CYP7B1: variants seen among roughly 807,000 people sequenced by gnomAD.
CYP7B1 encodes the protein cytochrome P450 7B1.
In CYP7B1, 29 loss-of-function variants were observed where a neutral mutation model predicts 42.7. The ratio of observed to expected loss-of-function variants is 0.68; its 90% CI spans 0.51 to 0.93. The LOEUF is 0.93. CYP7B1 is among the 40% of genes least tolerant of loss of function. The pLI is 0.00. For synonymous variants in CYP7B1, 235 were observed against 218.2 expected, an observed-to-expected ratio of 1.08 and a Z score of -0.68; for missense variants, 655 against 600.5, an observed-to-expected ratio of 1.09 and a Z score of -0.95.
rs57590025 is a variant in CYP7B1, at chr8:64,593,232, G to GGTGTGTGT, written c.*3402_*3409dup. On this transcript the variant is annotated 3_prime_UTR_variant, in exon 6 of 6. Transcript: ENST00000310193. ...TGGTGGACTAAAGGCTAGGGCCCAG[G>GGTGTGTGT]GTGTGTGTGTGTGTGTGTGTGTGTG... Among the ~76,000 whole-genome samples the GGTGTGTGT allele has an allele frequency of 1.2e-3, 151 of 123,442 alleles. No individual in the cohort carries two copies. Among genetic ancestry groups the GGTGTGTGT allele is most frequent in the Middle Eastern group, 8.2e-3 (2 of 244 alleles). The allele number at this position is 123,442 out of a possible 152,430, so 81.0% of individuals were successfully genotyped here.
chr8:64,591,297 C>A lies in CYP7B1; in HGVS notation c.*5345G>T. Among the ~76,000 whole-genome samples, 1 of 152,060 alleles carries A rather than the reference C, an allele frequency of 6.6e-6. No individual in the cohort carries two copies. ...TTCATTATAATTTAAAATAGTGCTA[C>A]AGAGAATGTCATCTTGGCTTGCTAA... On this transcript the variant is annotated 3_prime_UTR_variant, in exon 6 of 6. Transcript: ENST00000310193.
intron 4 of CYP7B1, among the ~76,000 whole-genome samples, chr8:64,609,855 C>T (rs1488051125): frequency 6.6e-6 from 1 of 152,196 alleles, no homozygotes; most frequent in African/African-American, 2.4e-5. Context: ...ATCAGAACCA[C>T]TGCATTAACT....
intron 1 of CYP7B1, among the ~76,000 whole-genome samples, chr8:64,777,849 A>C (rs1804351674): frequency 6.6e-6 from 1 of 151,978 alleles, no homozygotes; most frequent in African/African-American, 2.4e-5. Context: ...GGAGAATTTC[A>C]GTATAGGAAA....
At chr8:64,664,675 G>A (rs1280639747) in intron 1 of CYP7B1, among the ~76,000 whole-genome samples, 1 of 152,174 alleles carries the variant, frequency 6.6e-6, no homozygotes, top group Non-Finnish European at 1.5e-5. Flanking sequence ...CAAGTCTCAT[G>A]GACTTTCTCT....
intron 1 of CYP7B1, among the ~76,000 whole-genome samples, chr8:64,770,596 A>G (rs575194289): frequency 3.3e-5 from 5 of 152,358 alleles, no homozygotes; most frequent in Non-Finnish European, 7.3e-5. Flanking sequence ...TCTAAAACCA[A>G]TATACTCACC....
chr8:64,771,376 T>C (rs1439204985), intron 1 of CYP7B1, among the ~76,000 whole-genome samples: 1 of 152,084 alleles, frequency 6.6e-6, no homozygotes, highest in Non-Finnish European at 1.5e-5. Flanking sequence ...TTTTTAAAAA[T>C]GTACATGCTT....
At chr8:64,782,121 T>C (rs186836079) in intron 1 of CYP7B1, among the ~76,000 whole-genome samples, 137 of 152,306 alleles carry the variant, frequency 9.0e-4, no homozygotes, top group African/African-American at 3.3e-3. Flanking sequence ...TTTAGCTTTA[T>C]AGCCATGCTC....
chr8:64,636,465 T>C (rs1329647683), intron 1 of CYP7B1, among the ~76,000 whole-genome samples: 1 of 152,232 alleles, frequency 6.6e-6, no homozygotes, highest in Non-Finnish European at 1.5e-5. Context: ...TATTATTTAT[T>C]ATATTATCTC....
intron 2 of CYP7B1, among the ~76,000 whole-genome samples, chr8:64,620,308 A>G (rs1013067015): frequency 1.3e-5 from 2 of 152,198 alleles, no homozygotes; most frequent in Non-Finnish European, 2.9e-5. Context: ...CGGTTGGAAG[A>G]GTGAAATATG....
At chr8:64,642,262 AT>A (rs755950958) in intron 1 of CYP7B1, among the ~76,000 whole-genome samples, 4,802 of 146,394 alleles carry the variant, frequency 0.033, 216 homozygotes, top group African/African-American at 0.11. Context: ...TCTATTTTAA[AT>A]TTTTTTTTTT....
intron 1 of CYP7B1, among the ~76,000 whole-genome samples, chr8:64,668,362 T>C (rs1242747419): frequency 6.6e-6 from 1 of 152,152 alleles, no homozygotes; most frequent in East Asian, 1.9e-4. Context: ...CTATATAATA[T>C]GAATGTGTCA....
chr8:64,617,089 AAGT>A (rs1171702818), intron 2 of CYP7B1, among the ~76,000 whole-genome samples: 2 of 152,176 alleles, frequency 1.3e-5, no homozygotes, highest in Non-Finnish European at 2.9e-5. Context: ...GGAAAGCAGA[AAGT>A]AGAGTCTGCT....
chr8:64,713,154 G>T (rs1807105895), intron 1 of CYP7B1, among the ~76,000 whole-genome samples: 1 of 152,118 alleles, frequency 6.6e-6, no homozygotes, highest in Admixed American at 6.5e-5. Flanking sequence ...TGGTATATGT[G>T]TAGTATATGA....
Position 64,616,148 on chromosome 8 carries a change from A to T in CYP7B1, c.393T>A (p.Asn131Lys). 6.2e-7 allele frequency: 1 copy of T among 1,613,536 alleles called. No individual in the cohort carries two copies. The highest frequency in any genetic ancestry group is 8.5e-7 in the Non-Finnish European group (1 of 1,179,740). ...KAFSISQLQK[N>K]HDMNDELHLC... ...GGTGAAGCTCATCATTCATGTCATG[A>T]TTTTTTTGCAACTGACTGATGCTAA... is the stretch of plus-strand genomic sequence containing the variant. Residue 131 changes from asparagine (N) to lysine (K), a missense_variant, in exon 3 of 6, where the codon AAT becomes AAA. Asn to Lys is a moderately conservative substitution (Grantham distance 94). Coordinates refer to ENST00000310193, the MANE Select transcript of CYP7B1 (RefSeq NM_004820.5).
At chr8:64,777,588 T>G (rs1373810687) in intron 1 of CYP7B1, among the ~76,000 whole-genome samples, 1 of 152,122 alleles carries the variant, frequency 6.6e-6, no homozygotes, top group African/African-American at 2.4e-5. Flanking sequence ...AATCACATTG[T>G]CATTACAACT....
At chr8:64,659,389 T>C (rs532009651) in intron 1 of CYP7B1, among the ~76,000 whole-genome samples, 1 of 152,296 alleles carries the variant, frequency 6.6e-6, no homozygotes, top group South Asian at 2.1e-4. Flanking sequence ...ATAGCATCCT[T>C]TAAAATAGGC....
At chr8:64,586,956 C>G (rs1376351035), downstream of CYP7B1, among the ~76,000 whole-genome samples, 1 of 152,136 alleles carries the variant, frequency 6.6e-6, no homozygotes, top group Non-Finnish European at 1.5e-5. Context: ...GAAGGAAAAA[C>G]AAGGAGTCAG....
chr8:64,685,155 CCCGCCGGCGAGCG>C (rs1313700449), intron 1 of CYP7B1, among the ~76,000 whole-genome samples: 1 of 152,152 alleles, frequency 6.6e-6, no homozygotes, highest in African/African-American at 2.4e-5. Flanking sequence ...TCTTTGCCGC[CCCGCCGGCGAGCG>C]CCGCCCGGGA....
intron 1 of CYP7B1, among the ~76,000 whole-genome samples, chr8:64,689,100 T>C (rs1806700186): frequency 1.3e-5 from 2 of 152,220 alleles, no homozygotes; most frequent in African/African-American, 4.8e-5. Context: ...TCCAAATACA[T>C]AGCATACATT....
Sources: allele counts gnomAD v4.1 joint callset (sites outside exome capture counted in the v4.1 genomes callset), GRCh38; gene constraint gnomAD v4.1.1; transcripts MANE v1.5; gene names NCBI Gene and HGNC (gene_info 2026-07-23, HGNC 2026-07-21).